The following CNOT2 variants were observed in gnomAD, a reference collection of about 807,000 sequenced individuals.
The protein encoded by CNOT2 is CCR4-NOT transcription complex subunit 2.
Under a neutral mutation model 72.1 loss-of-function variants are expected in CNOT2, and 7 were observed. The observed-to-expected ratio is 0.10, with a 90% CI of 0.06 to 0.18. The LOEUF is 0.18. Among genes scored for constraint, CNOT2 ranks in the 10% least tolerant of loss-of-function variants. The probability of loss-of-function intolerance (pLI) is 1.00; values close to 1 mark genes in which losing one functional copy is unlikely to be tolerated. For synonymous variants in CNOT2, 196 were observed against 225.6 expected, an observed-to-expected ratio of 0.87 and a Z score of 1.17; for missense variants, 345 against 660.3, an observed-to-expected ratio of 0.52 and a Z score of 5.23.
At chr12:70,260,801 A>G (rs1337662287) in intron 1 of CNOT2, among the ~76,000 whole-genome samples, 2 of 148,460 alleles carry the variant, frequency 1.3e-5, no homozygotes, top group Non-Finnish European at 3.0e-5. Flanking sequence ...ATATCATGTA[A>G]TCTGCAATTA....
chr12:70,293,806 G>T (rs1377949281), intron 2 of CNOT2, among the ~76,000 whole-genome samples: 1 of 151,832 alleles, frequency 6.6e-6, no homozygotes, highest in Non-Finnish European at 1.5e-5. Flanking sequence ...ACAAGGAGTG[G>T]ATAGGCACAA....
chr12:70,278,183 T>TA lies in CNOT2; in HGVS notation c.-44_-43insA. The stretch of plus-strand genomic sequence containing the variant: ...TGTGACACGACCCTTGAGTGACAGT[T>TA]CTATTTGATTGCCTCCGGTACTGTG... On this transcript the variant is annotated 5_prime_UTR_variant, in exon 2 of 16. Coordinates refer to ENST00000229195, the MANE Select transcript of CNOT2 (RefSeq NM_014515.7). 10 of 1,481,890 alleles carry TA rather than the reference T, an allele frequency of 6.7e-6. No homozygotes were observed. The highest frequency in any genetic ancestry group is 9.4e-6 in the Non-Finnish European group (10 of 1,061,500). 91.8% of individuals were successfully genotyped at this position (1,481,890 alleles called of 1,614,324 possible).
intron 2 of CNOT2, among the ~76,000 whole-genome samples, chr12:70,299,793 C>G (rs866704264): frequency 2.0e-5 from 3 of 152,152 alleles, no homozygotes; most frequent in African/African-American, 7.2e-5. Flanking sequence ...CCTGAGGAAT[C>G]GCCACACTGA....
intron 1 of CNOT2, among the ~76,000 whole-genome samples, chr12:70,250,468 A>T (rs1404968839): frequency 6.6e-6 from 1 of 152,012 alleles, no homozygotes; most frequent in African/African-American, 2.4e-5. Context: ...TGACATTGTT[A>T]TTGGATATAT....
At chr12:70,298,850 G>C (rs1426665592) in intron 2 of CNOT2, among the ~76,000 whole-genome samples, 1 of 152,138 alleles carries the variant, frequency 6.6e-6, no homozygotes, top group Non-Finnish European at 1.5e-5. Flanking sequence ...ATTGATTTGG[G>C]AGTGCTGTTG....
In CNOT2 at chr12:70,276,876, A is replaced by G. The variant is rs866499442; in HGVS notation, c.-95-1256A>G. On this transcript the variant is annotated intron_variant, in intron 1 of 15. Coordinates refer to ENST00000229195, the MANE Select transcript of CNOT2 (RefSeq NM_014515.7). ...AAATACAACTCCCACTACCTTTGTG[A>G]TGAAACATAAAAGAGGAGCCAGAAG... 2.6e-5 allele frequency among the ~76,000 whole-genome samples: 4 copies of G among 152,150 alleles called. No individual in the cohort carries two copies. The East Asian group carries it at 7.7e-4, about 29-fold the overall frequency.
chr12:70,346,337 C>T lies in CNOT2; in HGVS notation c.1536+13C>T, dbSNP rs1244535569. 3 of 1,602,974 alleles carry T rather than the reference C, an allele frequency of 1.9e-6. No homozygotes were observed. In the Admixed American group the frequency reaches 5.0e-5, roughly 27 times the overall value. Reference sequence around the variant, plus strand: ...GAAAGTAGCTAAGGTATATTTCTTTCCATGTGCAAATGTATAAATCTAAAC... The same window carrying T: ...GAAAGTAGCTAAGGTATATTTCTTTTCATGTGCAAATGTATAAATCTAAAC... On this transcript the variant is annotated intron_variant, in intron 15 of 15. Coordinates refer to ENST00000229195, the MANE Select transcript of CNOT2 (RefSeq NM_014515.7).
At chr12:70,254,692 GT>G (rs1958333283) in intron 1 of CNOT2, among the ~76,000 whole-genome samples, 4 of 152,126 alleles carry the variant, frequency 2.6e-5, no homozygotes, top group Middle Eastern at 3.4e-3. Context: ...TAGATATCTG[GT>G]TTATTAGGCT....
intron 2 of CNOT2, among the ~76,000 whole-genome samples, chr12:70,280,018 TG>T (rs1261850249): frequency 6.6e-6 from 1 of 152,168 alleles, no homozygotes; most frequent in African/African-American, 2.4e-5. Flanking sequence ...TACGTATTTA[TG>T]GGGTACATGT....
intron 1 of CNOT2, among the ~76,000 whole-genome samples, chr12:70,249,018 T>C (rs757643767): frequency 1.3e-5 from 2 of 152,072 alleles, no homozygotes; most frequent in African/African-American, 2.4e-5. Flanking sequence ...TTCAAACATA[T>C]TGATATACTA....
intron 4 of CNOT2, chr12:70,322,454 A>G (rs147613767): frequency 4.2e-4 from 64 of 151,870 alleles, no homozygotes; most frequent in African/African-American, 1.4e-3. Flanking sequence ...TTAGTTACCA[A>G]CAGGATCTAG....
intron 11 of CNOT2, among the ~76,000 whole-genome samples, chr12:70,339,890 C>T (rs1380605955): frequency 2.6e-5 from 4 of 152,172 alleles, no homozygotes; most frequent in African/African-American, 9.7e-5. Flanking sequence ...CTATGTTATT[C>T]TTGTTTTCCA....
intron 1 of CNOT2, among the ~76,000 whole-genome samples, chr12:70,249,907 T>A (rs181869925): frequency 3.7e-4 from 56 of 151,956 alleles, no homozygotes; most frequent in Non-Finnish European, 5.6e-4. Flanking sequence ...GCTTTAGGGG[T>A]GTAGTTTTTA....
intron 2 of CNOT2, chr12:70,285,605 T>G (rs1870750141): frequency 6.6e-6 from 1 of 151,974 alleles, no homozygotes; most frequent in African/African-American, 2.4e-5. Context: ...TTTGTTTTTT[T>G]TTTTAAATCT....
chr12:70,318,363 C>CT, intron 3 of CNOT2, among the ~76,000 whole-genome samples: 1 of 151,792 alleles, frequency 6.6e-6, no homozygotes. Context: ...AATAATATTA[C>CT]AAATCTTTAT....
At chr12:70,344,654 G>A (rs2136075805) in intron 14 of CNOT2, 1 of 153,750 alleles carries the variant, frequency 6.5e-6, no homozygotes, top group South Asian at 2.0e-4. Context: ...TTGAGCCCAG[G>A]AGTTTGAGGT....
chr12:70,272,468 T>G (rs1378464011), intron 1 of CNOT2, among the ~76,000 whole-genome samples: 1 of 152,224 alleles, frequency 6.6e-6, no homozygotes, highest in Non-Finnish European at 1.5e-5. Context: ...TGGATGTGTT[T>G]GAGAAACACA....
chr12:70,342,987 C>T (rs1881704818), intron 13 of CNOT2, among the ~76,000 whole-genome samples: 1 of 152,010 alleles, frequency 6.6e-6, no homozygotes, highest in African/African-American at 2.4e-5. Context: ...CCTTACAGTT[C>T]TGTGGTCAAG....
Position 70,326,152 on chromosome 12 carries a change from GTGT to G in CNOT2, c.239-3266_239-3264del, listed in dbSNP as rs141459144. Among the ~76,000 whole-genome samples, 471 of 151,854 alleles carry G rather than the reference GTGT, an allele frequency of 3.1e-3. 2 individuals carry two copies. The highest frequency in any genetic ancestry group is 4.9e-3 in the Non-Finnish European group (335 of 67,838). On this transcript the variant is annotated intron_variant, in intron 4 of 15. Transcript: ENST00000229195. ...GTGTTCGTATAGTCCTCCTAATATT[GTGT>G]TGTTATTATCAATTGTTAGATTGAA...
Sources: allele counts gnomAD v4.1 joint callset (sites outside exome capture counted in the v4.1 genomes callset), GRCh38; gene constraint gnomAD v4.1.1; transcripts MANE v1.5; gene names NCBI Gene and HGNC (gene_info 2026-07-23, HGNC 2026-07-21).